MTUS2: variants seen among roughly 807,000 people sequenced by gnomAD.
The protein encoded by MTUS2 is microtubule associated scaffold protein 2.
MTUS2 carries 40 observed loss-of-function variants against 114.1 expected under a neutral mutation model. The ratio of observed to expected loss-of-function variants is 0.35; its 90% CI spans 0.27 to 0.46. The LOEUF (loss-of-function observed/expected upper bound fraction) is 0.46. Ranked by LOEUF, MTUS2 falls within the 20% of genes least tolerant of loss-of-function variation. The pLI, the probability that MTUS2 is intolerant of heterozygous loss-of-function variation, is 1.00. For synonymous variants in MTUS2, 688 were observed against 672.0 expected, an observed-to-expected ratio of 1.02 and a Z score of -0.37; for missense variants, 1,679 against 1,705.4, an observed-to-expected ratio of 0.98 and a Z score of 0.27.
intron 8 of MTUS2, among the ~76,000 whole-genome samples, chr13:29,439,126 A>G (rs1877640181): frequency 6.6e-6 from 1 of 152,250 alleles, no homozygotes; most frequent in Non-Finnish European, 1.5e-5. Flanking sequence ...ATGCTACAGA[A>G]TGACAGAGAC....
intron 2 of MTUS2, among the ~76,000 whole-genome samples, chr13:28,962,468 T>G (rs1014326171): frequency 6.6e-6 from 1 of 152,222 alleles, no homozygotes; most frequent in Non-Finnish European, 1.5e-5. Flanking sequence ...TTCAACCTTT[T>G]GCAAGGTTTT....
At chr13:29,387,523 G>A (rs559117086) in intron 8 of MTUS2, among the ~76,000 whole-genome samples, 116 of 152,302 alleles carry the variant, frequency 7.6e-4, no homozygotes, top group African/African-American at 2.7e-3. Flanking sequence ...TAGGTCATGA[G>A]CCCCTGAAGA....
At chr13:28,961,471 A>G (rs952749697) in intron 2 of MTUS2, among the ~76,000 whole-genome samples, 14 of 152,284 alleles carry the variant, frequency 9.2e-5, no homozygotes, top group African/African-American at 3.4e-4. Context: ...AGCAAAGTGA[A>G]ACCTAGACAC....
chr13:29,340,138 G>A (rs924701050), intron 7 of MTUS2, among the ~76,000 whole-genome samples: 5 of 152,306 alleles, frequency 3.3e-5, no homozygotes, highest in South Asian at 2.1e-4. Flanking sequence ...CGCGGAATTC[G>A]GGACATCACG....
chr13:29,155,313 CAT>C (rs1483000610), intron 5 of MTUS2, among the ~76,000 whole-genome samples: 6 of 152,216 alleles, frequency 3.9e-5, no homozygotes, highest in Non-Finnish European at 7.3e-5. Flanking sequence ...ATCAGAATTT[CAT>C]TTAAAGAGGC....
At chr13:29,495,493 G>A (rs566817635) in intron 12 of MTUS2, among the ~76,000 whole-genome samples, 10 of 152,066 alleles carry the variant, frequency 6.6e-5, no homozygotes, top group African/African-American at 2.2e-4. Flanking sequence ...CACTTCGCAT[G>A]TTAGTGTCAC....
chr13:29,484,604 G>A (rs1881454646), intron 10 of MTUS2, among the ~76,000 whole-genome samples: 1 of 152,232 alleles, frequency 6.6e-6, no homozygotes, highest in Non-Finnish European at 1.5e-5. Flanking sequence ...CCAAGTGAAG[G>A]AGGGCCCCCT....
At chr13:29,284,104 G>C (rs558284361) in intron 6 of MTUS2, among the ~76,000 whole-genome samples, 1 of 152,166 alleles carries the variant, frequency 6.6e-6, no homozygotes, top group East Asian at 1.9e-4. Context: ...AGTACATGGA[G>C]TGATTCACTG....
At chr13:28,939,110 C>T (rs1216176446) in intron 2 of MTUS2, among the ~76,000 whole-genome samples, 1 of 152,222 alleles carries the variant, frequency 6.6e-6, no homozygotes, top group Non-Finnish European at 1.5e-5. Flanking sequence ...TCAGTTTCCT[C>T]TCAAACTTTA....
intron 9 of MTUS2, among the ~76,000 whole-genome samples, chr13:29,465,507 C>T (rs183495163): frequency 5.9e-5 from 9 of 152,180 alleles, no homozygotes; most frequent in Non-Finnish European, 1.2e-4. Flanking sequence ...CAGGTAATCG[C>T]GTAGGCTACC....
At chr13:29,023,425 C>T (rs1387186822) in intron 2 of MTUS2, among the ~76,000 whole-genome samples, 1 of 152,144 alleles carries the variant, frequency 6.6e-6, no homozygotes, top group African/African-American at 2.4e-5. Flanking sequence ...TTGACTTTTG[C>T]CAGTTTCTCT....
intron 5 of MTUS2, among the ~76,000 whole-genome samples, chr13:29,218,790 T>C (rs2093915958): frequency 6.6e-6 from 1 of 152,168 alleles, no homozygotes; most frequent in South Asian, 2.1e-4. Context: ...TTAAAATATA[T>C]AGTAAATCAT....
intron 6 of MTUS2, 83 bp downstream of exon 6, chr13:29,281,948 C>CCA: frequency 7.1e-7 from 1 of 1,404,630 alleles, no homozygotes; most frequent in Non-Finnish European, 9.6e-7. Context: ...CCCCTGTGTA[C>CCA]ATCAGTTATT....
chr13:28,888,817 G>A, intron 2 of MTUS2, among the ~76,000 whole-genome samples: 1 of 99,502 alleles, frequency 1.0e-5, no homozygotes, highest in Non-Finnish European at 2.0e-5. Flanking sequence ...GAGATATTTC[G>A]AGAGAGAGAA....
At chr13:29,058,832 C>T (rs143651355) in intron 4 of MTUS2, among the ~76,000 whole-genome samples, 1,996 of 151,398 alleles carry the variant, frequency 0.013, 49 homozygotes, top group African/African-American at 0.046. Flanking sequence ...TTTGTCCTTA[C>T]GATAGTTTGC....
At chr13:29,020,572 T>G (rs1469661942) in intron 2 of MTUS2, among the ~76,000 whole-genome samples, 1 of 152,204 alleles carries the variant, frequency 6.6e-6, no homozygotes. Context: ...CTGTATATAA[T>G]TTTGCCTGAT....
intron 5 of MTUS2, among the ~76,000 whole-genome samples, chr13:29,113,269 T>C (rs2138871437): frequency 6.6e-6 from 1 of 152,306 alleles, no homozygotes; most frequent in Non-Finnish European, 1.5e-5. Flanking sequence ...CCTTTCCCTT[T>C]CCTGTCCTTT....
At chr13:29,296,398 A>T (rs1898946677) in intron 6 of MTUS2, among the ~76,000 whole-genome samples, 1 of 151,734 alleles carries the variant, frequency 6.6e-6, no homozygotes, top group South Asian at 2.1e-4. Flanking sequence ...TTTTGTAGAG[A>T]TGGGGTCTTG....
At chr13:29,168,718 T>A (rs1233089723) in intron 5 of MTUS2, among the ~76,000 whole-genome samples, 1 of 152,146 alleles carries the variant, frequency 6.6e-6, no homozygotes, top group East Asian at 1.9e-4. Flanking sequence ...GTGAACAAAT[T>A]TGCCCCTTCT....
Sources: allele counts gnomAD v4.1 joint callset (sites outside exome capture counted in the v4.1 genomes callset), GRCh38; gene constraint gnomAD v4.1.1; transcripts MANE v1.5; gene names NCBI Gene and HGNC (gene_info 2026-07-23, HGNC 2026-07-21).